STK3: variants seen among roughly 807,000 people sequenced by gnomAD.
STK3 encodes serine/threonine kinase 3, also known as serine/threonine-protein kinase 3.
In STK3, 41 loss-of-function variants were observed where a neutral mutation model predicts 58.0. The observed-to-expected ratio is 0.71, with a 90% CI of 0.55 to 0.92. The LOEUF is 0.92. Among genes scored for constraint, STK3 ranks in the 40% least tolerant of loss-of-function variants. The pLI is 0.00. For synonymous variants in STK3, 170 were observed against 191.0 expected, an observed-to-expected ratio of 0.89 and a Z score of 0.91; for missense variants, 479 against 602.7, an observed-to-expected ratio of 0.79 and a Z score of 2.15.
chr8:98,543,763 G>A (rs1161245989), intron 9 of STK3, among the ~76,000 whole-genome samples: 1 of 152,204 alleles, frequency 6.6e-6, no homozygotes, highest in Non-Finnish European at 1.5e-5. Flanking sequence ...TTGCTGAACA[G>A]AGAAACACAG....
intron 1 of STK3, among the ~76,000 whole-genome samples, chr8:98,887,383 G>GA (rs1051998774): frequency 3.3e-5 from 5 of 151,932 alleles, no homozygotes; most frequent in Non-Finnish European, 5.9e-5. Flanking sequence ...TCCAAAATCT[G>GA]AAAAAATCCG....
chr8:98,793,960 T>C (rs1832966892), intron 1 of STK3, among the ~76,000 whole-genome samples: 1 of 151,984 alleles, frequency 6.6e-6, no homozygotes, highest in African/African-American at 2.4e-5. Flanking sequence ...GGGTAAACAA[T>C]TAAATTAAAG....
rs1829821165 is a variant in STK3, at chr8:98,749,268, ATACT to A, written c.351+4_351+7del. On this transcript the variant is annotated splice_donor_5th_base_variant and intron_variant, in intron 4 of 10. Transcript: ENST00000419617. ...ATGATATTAGCAAAACAATTTTAAA[ATACT>A]TACTGTCTTGTTTCGTAATCTAATT... is the stretch of plus-strand genomic sequence containing the variant. The A allele has an allele frequency of 1.3e-6, 2 of 1,573,078 alleles. No homozygotes were observed. Among genetic ancestry groups the A allele is most frequent in the Non-Finnish European group, 1.7e-6 (2 of 1,151,726 alleles).
At chr8:98,757,703 CATTT>C (rs1245988741) in intron 3 of STK3, among the ~76,000 whole-genome samples, 5 of 151,170 alleles carry the variant, frequency 3.3e-5, no homozygotes, top group South Asian at 2.1e-4. Flanking sequence ...TTCAAATTCA[CATTT>C]ATTTATCTTT....
intron 1 of STK3, among the ~76,000 whole-genome samples, chr8:98,903,489 T>TCTC: frequency 5.2e-5 from 1 of 19,304 alleles, no homozygotes; most frequent in East Asian, 1.6e-3. Context: ...TTTAGGAAGT[T>TCTC]CTTCTTCTTC....
At chr8:98,914,918 A>G (rs1378419676) in intron 1 of STK3, among the ~76,000 whole-genome samples, 2 of 152,212 alleles carry the variant, frequency 1.3e-5, no homozygotes, top group African/African-American at 4.8e-5. Context: ...AAAAATGTAA[A>G]TGTAAAAAGA....
chr8:98,382,695 C>T (rs1054313420), intron 1 of STK3, among the ~76,000 whole-genome samples: 2 of 152,174 alleles, frequency 1.3e-5, no homozygotes, highest in African/African-American at 4.8e-5. Context: ...ACTCCCCTGC[C>T]TGGAAAGCGG....
At chr8:98,589,449 G>T (rs916407800) in intron 7 of STK3, among the ~76,000 whole-genome samples, 1 of 152,224 alleles carries the variant, frequency 6.6e-6, no homozygotes, top group Non-Finnish European at 1.5e-5. Flanking sequence ...GAGGCAGTCT[G>T]CCCCTTCTCA....
chr8:98,387,422 T>G (rs1817801270), intron 1 of STK3, among the ~76,000 whole-genome samples: 1 of 152,190 alleles, frequency 6.6e-6, no homozygotes, highest in South Asian at 2.1e-4. Context: ...TATTTTCTCT[T>G]TAAAATAAAA....
At chr8:98,361,024 A>G in the STK3 span, among the ~76,000 whole-genome samples, 1 of 152,202 alleles carries the variant, frequency 6.6e-6, no homozygotes, top group Non-Finnish European at 1.5e-5. Flanking sequence ...CAAGGTCAAA[A>G]TTGGATTTTG....
upstream of STK3, among the ~76,000 whole-genome samples, chr8:98,390,535 T>C (rs1817838534): frequency 6.6e-6 from 1 of 152,232 alleles, no homozygotes; most frequent in Admixed American, 6.5e-5. Flanking sequence ...TTGGGATTCA[T>C]TCAATTTCTT....
Position 98,548,085 on chromosome 8 carries a change from G to C in STK3, c.1025C>G (p.Thr342Arg). The change falls in exon 9 of 11, where the codon ACG (threonine) becomes AGG (arginine). Residue 342 changes from threonine to arginine, a missense_variant. Transcript: ENST00000419617. ...ESVGTMRATS[T>R]MSEGAQTMIE... Reference sequence around the variant, plus strand: ...CATGGTCTGGGCCCCTTCACTCATCGTGCTTGTGGCCCGCATGGTGCCCAC... The same window carrying C: ...CATGGTCTGGGCCCCTTCACTCATCCTGCTTGTGGCCCGCATGGTGCCCAC... The C allele has an allele frequency of 6.2e-7, 1 of 1,608,828 alleles. No homozygotes were observed. Among genetic ancestry groups the C allele is most frequent in the Non-Finnish European group, 8.5e-7 (1 of 1,177,764 alleles).
chr8:98,870,307 G>A (rs894638242), intron 3 of STK3, among the ~76,000 whole-genome samples: 4 of 152,262 alleles, frequency 2.6e-5, no homozygotes, highest in South Asian at 2.1e-4. Flanking sequence ...AAACATATGC[G>A]TGCATGTGTC....
chr8:98,430,383 G>A (rs140176219), intron 3 of STK3: 93 of 167,176 alleles, frequency 5.6e-4, no homozygotes, highest in African/African-American at 2.1e-3. Context: ...GAGTAAGGTC[G>A]TGTTGTCTTC....
At chr8:98,832,211 C>T (rs1044920916) in intron 3 of STK3, among the ~76,000 whole-genome samples, 1 of 146,572 alleles carries the variant, frequency 6.8e-6, no homozygotes, top group Non-Finnish European at 1.5e-5. Flanking sequence ...GCTAAGTGTA[C>T]ATATTCAATA....
rs563120683 is a variant in STK3, at chr8:98,406,451, C to T, written n.484-4938G>A. On this transcript the variant is annotated intron_variant and non_coding_transcript_variant, in intron 3 of 3. Coordinates refer to the STK3 transcript ENST00000517832. Reference sequence around the variant, plus strand: ...TTTTCAACCCTTCCCCTACTCCCAACCTCCCCCCTCTAGGGTTCCCCAGTG... The same window carrying T: ...TTTTCAACCCTTCCCCTACTCCCAATCTCCCCCCTCTAGGGTTCCCCAGTG... Among the ~76,000 whole-genome samples, 3 of 152,120 alleles carry T rather than the reference C, an allele frequency of 2.0e-5. No individual in the cohort carries two copies. The East Asian group carries it at 5.8e-4, about 29-fold the overall frequency.
chr8:98,862,560 G>A (rs1191431620), intron 3 of STK3, among the ~76,000 whole-genome samples: 1 of 152,186 alleles, frequency 6.6e-6, no homozygotes, highest in African/African-American at 2.4e-5. Context: ...TTCTTGCCAG[G>A]AAAATGGGTT....
intron 3 of STK3, among the ~76,000 whole-genome samples, chr8:98,417,874 C>T (rs1004660193): frequency 6.6e-6 from 1 of 152,112 alleles, no homozygotes. Flanking sequence ...CAGAACGCCT[C>T]GCTGTTCAAG....
chr8:98,614,966 A>C (rs1337293820), intron 6 of STK3, among the ~76,000 whole-genome samples: 4 of 152,224 alleles, frequency 2.6e-5, no homozygotes, highest in African/African-American at 9.6e-5. Flanking sequence ...ACCAGAGTTC[A>C]AGGAGGCCTG....
Sources: allele counts gnomAD v4.1 joint callset (sites outside exome capture counted in the v4.1 genomes callset), GRCh38; gene constraint gnomAD v4.1.1; transcripts MANE v1.5; gene names NCBI Gene and HGNC (gene_info 2026-07-23, HGNC 2026-07-21).